The following ACSF2 variants were observed in gnomAD, a reference collection of about 807,000 sequenced individuals.
ACSF2 encodes the protein acyl-CoA synthetase family member 2.
ACSF2 carries 52 observed loss-of-function variants against 79.3 expected under a neutral mutation model. The ratio of observed to expected loss-of-function variants is 0.66; its 90% confidence interval spans 0.53 to 0.83. The LOEUF (loss-of-function observed/expected upper bound fraction) is 0.83, where lower values mean the gene tolerates loss of function less well. ACSF2 is among the 40% of genes least tolerant of loss of function. ACSF2 has a pLI of 0.00. For missense variants in ACSF2, 661 were observed against 803.3 expected (o/e 0.82, Z 2.14); for synonymous variants, 283 against 312.6 (o/e 0.91, Z 1.00).
Position 50,426,249 on chromosome 17 carries a change from G to A in ACSF2, c.-13G>A, listed in dbSNP as rs758938286. ...AAAGTTTACTCGGGCCGGGACGCAG[G>A]GCAAAGCGAGCCATGGCTGTCTACG... On this transcript the variant is annotated 5_prime_UTR_variant, in exon 1 of 16. Transcript: ENST00000300441. 1 of 1,351,484 alleles carries A rather than the reference G, an allele frequency of 7.4e-7. No individual in the cohort carries two copies. The highest frequency in any genetic ancestry group is 2.1e-5 in the South Asian group (1 of 47,700). 83.7% of individuals were successfully genotyped at this position (1,351,484 alleles called of 1,614,324 possible). A position where few individuals can be genotyped will look rare whatever the true frequency, so the allele number is the denominator to read the frequency against.
intron 1 of ACSF2, among the ~76,000 whole-genome samples, chr17:50,441,446 A>G (rs1440878590): frequency 6.6e-6 from 1 of 152,200 alleles, no homozygotes; most frequent in Non-Finnish European, 1.5e-5. Context: ...AAGTGGTGAG[A>G]TTACAGGCGT....
chr17:50,426,363 C>A lies in ACSF2; in HGVS notation c.102C>A (p.Ala34=). ...RAALSRSWQE[A]RLQGVRFLSS... The stretch of plus-strand genomic sequence containing the variant: ...CCCTCTCTCGGAGTTGGCAGGAAGC[C>A]AGGTTGCAGGGTGTCCGCTTCCTCA... Residue 34 remains alanine (A), a synonymous_variant, in exon 1 of 16, where the codon GCC becomes GCA. Transcript: ENST00000300441. The A allele has an allele frequency of 7.1e-7, 1 of 1,413,534 alleles. No homozygotes were observed. The highest frequency in any genetic ancestry group is 9.3e-7 in the Non-Finnish European group (1 of 1,076,690). The allele number at this position is 1,413,534 out of a possible 1,614,324, so 87.6% of individuals were successfully genotyped here.
intron 12 of ACSF2, chr17:50,472,962 A>C: frequency 6.1e-6 from 1 of 163,762 alleles, no homozygotes; most frequent in Non-Finnish European, 1.3e-5. Flanking sequence ...GATAAATAAC[A>C]CCAAGAAAAT....
rs1395858172 is a variant in ACSF2, at chr17:50,439,234, T to C, written c.128+12845T>C. Among the ~76,000 whole-genome samples, 14 of 134,616 alleles carry C rather than the reference T, an allele frequency of 1.0e-4. 1 individual carries two copies. The highest frequency in any genetic ancestry group is 5.2e-4 in the South Asian group (2 of 3,838). 88.3% of individuals were successfully genotyped at this position (134,616 alleles called of 152,430 possible). On this transcript the variant is annotated intron_variant, in intron 1 of 15. Coordinates refer to ENST00000300441, the MANE Select transcript of ACSF2 (RefSeq NM_025149.6). ...GACAGGTGCATGCTACCACACAGCT[T>C]TTTTTTTTTTTTTTTTTTTTTTTTT...
At chr17:50,457,075 A>G (rs780683223) in intron 1 of ACSF2, among the ~76,000 whole-genome samples, 1 of 151,964 alleles carries the variant, frequency 6.6e-6, no homozygotes, top group Non-Finnish European at 1.5e-5. Flanking sequence ...AAAGACAAAC[A>G]GACAAACAAT....
chr17:50,460,630 G>C (rs2032271142), intron 1 of ACSF2, 47 bp from the exon 2 acceptor site: 1 of 1,559,974 alleles, frequency 6.4e-7, no homozygotes, highest in African/African-American at 1.4e-5. Context: ...CTTGGTTCCA[G>C]GGAGACTGAT....
In ACSF2 at chr17:50,426,379, C is replaced by A; in HGVS notation, c.118C>A (p.Arg40Ser). The change falls in exon 1 of 16, where the codon CGC becomes AGC. Residue 40 changes from arginine (R) to serine (S), a missense_variant. Physicochemically the swap from Arg to Ser is moderately radical, Grantham distance 110. Transcript: ENST00000300441. Reference protein sequence around the residue: ...SWQEARLQGVRFLSSREVDRM... With the variant: ...SWQEARLQGVSFLSSREVDRM... ...GCAGGAAGCCAGGTTGCAGGGTGTCCGCTTCCTCAGGTACTGGCCCCCCGC... is the reference window on the plus strand; with the variant it reads ...GCAGGAAGCCAGGTTGCAGGGTGTCAGCTTCCTCAGGTACTGGCCCCCCGC... 2.9e-6 allele frequency: 4 copies of A among 1,374,740 alleles called. No homozygotes were observed. The highest frequency in any genetic ancestry group is 3.1e-5 in the Admixed American group (1 of 32,218). The allele number at this position is 1,374,740 out of a possible 1,614,324, so 85.2% of individuals were successfully genotyped here.
chr17:50,445,331 G>C (rs2031228706), intron 1 of ACSF2, among the ~76,000 whole-genome samples: 1 of 152,092 alleles, frequency 6.6e-6, no homozygotes, highest in African/African-American at 2.4e-5. Flanking sequence ...CCCACAAATT[G>C]CTGGGACAAT....
In ACSF2 at chr17:50,463,196, A is replaced by G. The variant is rs2032457151; in HGVS notation, c.833A>G (p.Tyr278Cys). 1 of 1,614,088 alleles carries G rather than the reference A, an allele frequency of 6.2e-7. No individual in the cohort carries two copies. Among genetic ancestry groups the G allele is most frequent in the African/African-American group, 1.3e-5 (1 of 75,038 alleles). Reference sequence around the variant, plus strand: ...CCCAAGGGGGCCACCCTCTCCCACTACAACATTGTCAACAACTCCAACATT... The same window carrying G: ...CCCAAGGGGGCCACCCTCTCCCACTGCAACATTGTCAACAACTCCAACATT... Reference protein sequence around the residue: ...GSPKGATLSHYNIVNNSNILG... With the variant: ...GSPKGATLSHCNIVNNSNILG... The change falls in exon 7 of 16, where the codon TAC becomes TGC. Residue 278 changes from tyrosine to cysteine, a missense_variant. Transcript: ENST00000300441. This position sits in a 1 kb window ranked among gnomAD's most constrained non-coding sequence, Gnocchi z 4.6.
intron 1 of ACSF2, among the ~76,000 whole-genome samples, chr17:50,445,741 C>T (rs1385826797): frequency 6.6e-6 from 1 of 151,268 alleles, no homozygotes; most frequent in African/African-American, 2.4e-5. Flanking sequence ...GTCAAGTCTG[C>T]AGTGAGCTGT....
At chr17:50,470,999 T>G in intron 10 of ACSF2, 29 bp from the exon 11 acceptor site, 1 of 1,573,696 alleles carries the variant, frequency 6.4e-7, no homozygotes, top group South Asian at 1.1e-5. Flanking sequence ...TGCTGAGCCC[T>G]CTTCAAACAC....
Position 50,462,537 on chromosome 17 carries a change from C to T in ACSF2, c.744C>T (p.Asn248=). 1 of 1,613,970 alleles carries T rather than the reference C, an allele frequency of 6.2e-7. No individual in the cohort carries two copies. The highest frequency in any genetic ancestry group is 1.1e-5 in the South Asian group (1 of 91,072). Residue 248 remains asparagine, a synonymous_variant, in exon 6 of 16, where the codon AAC becomes AAT. Transcript: ENST00000300441. ...AGCATCTGGACCAGCTCCAATACAA[C>T]CAGCAGTTCCTGTCCTGCCATGACC... The part of the protein sequence containing the change: ...TRQHLDQLQY[N]QQFLSCHDPI...
intron 1 of ACSF2, among the ~76,000 whole-genome samples, chr17:50,433,406 A>G (rs1446412021): frequency 6.6e-6 from 1 of 152,090 alleles, no homozygotes; most frequent in Non-Finnish European, 1.5e-5. Context: ...CTACTTCCTC[A>G]GCCTCCTGAG....
At position 50,463,550 on chromosome 17, in the gene ACSF2, G is replaced by A; in HGVS notation, c.1044G>A (p.Glu348=). 2 of 1,613,980 alleles carry A rather than the reference G, an allele frequency of 1.2e-6. No individual in the cohort carries two copies. Among genetic ancestry groups the A allele is most frequent in the African/African-American group, 2.7e-5 (2 of 75,048 alleles). ...GKKALEAISR[E]RGTFLYGTPT... is the part of the protein sequence containing the mutation. The stretch of plus-strand genomic sequence containing the variant: ...AGGCACTGGAGGCCATCAGCAGAGA[G>A]AGGTGGGCACTGGTGGACAGGCTAC... The change falls in exon 8 of 16, where the codon GAG becomes GAA. Residue 348 remains glutamate (E), a splice_region_variant and synonymous_variant. Coordinates refer to ENST00000300441, the MANE Select transcript of ACSF2 (RefSeq NM_025149.6). The surrounding 1 kb of genome is among the most constrained non-coding windows in gnomAD (Gnocchi z 4.6).
At chr17:50,446,274 G>T (rs1350365986) in intron 1 of ACSF2, among the ~76,000 whole-genome samples, 2 of 151,866 alleles carry the variant, frequency 1.3e-5, no homozygotes, top group African/African-American at 2.4e-5. Context: ...AAAACTTCGT[G>T]TTGAAATATA....
In ACSF2 at chr17:50,428,361, T is replaced by A. The variant is rs574191439; in HGVS notation, c.128+1972T>A. On this transcript the variant is annotated intron_variant, in intron 1 of 15. Transcript: ENST00000300441. ...CGGGCGTGGTGGCATGTGCCTGTAA[T>A]ACCAGCTACTAGGGTGTCTGAGGCA... 6.6e-5 allele frequency among the ~76,000 whole-genome samples: 10 copies of A among 152,178 alleles called. No individual in the cohort carries two copies. The East Asian group carries it at 1.9e-3, about 29-fold the overall frequency.
chr17:50,439,963 T>C (rs907205737), intron 1 of ACSF2, among the ~76,000 whole-genome samples: 8 of 152,238 alleles, frequency 5.3e-5, no homozygotes, highest in Non-Finnish European at 7.3e-5. Flanking sequence ...GCCCATTTAT[T>C]GTGTGAGATT....
In ACSF2 at chr17:50,460,180, C is replaced by T. The variant is rs140967800; in HGVS notation, c.129-497C>T. Reference sequence around the variant, plus strand: ...ATCTGCCCTCTCCTTTATCCCTTTCCTATTCTGTCTTTGGCTTTCAGGCCC... The same window carrying T: ...ATCTGCCCTCTCCTTTATCCCTTTCTTATTCTGTCTTTGGCTTTCAGGCCC... On this transcript the variant is annotated intron_variant, in intron 1 of 15. Coordinates refer to ENST00000300441, the MANE Select transcript of ACSF2 (RefSeq NM_025149.6). 366 of 456,224 alleles carry T rather than the reference C, an allele frequency of 8.0e-4. 2 individuals are homozygous for T. Among genetic ancestry groups the T allele is most frequent in the African/African-American group, 6.5e-3 (328 of 50,198 alleles). 28.3% of individuals were successfully genotyped at this position (456,224 alleles called of 1,614,324 possible). A position where few individuals can be genotyped will look rare whatever the true frequency, so the allele number is the denominator to read the frequency against.
chr17:50,463,083 C>G lies in ACSF2; in HGVS notation c.793-73C>G, dbSNP rs1693776419. ...CTGTCTCCTGATTCCCGGTCCCGTG[C>G]TCTTCAAGGCAGTGGCCCAGGGTGG... On this transcript the variant is annotated intron_variant, in intron 6 of 15. Coordinates refer to ENST00000300441, the MANE Select transcript of ACSF2 (RefSeq NM_025149.6). The surrounding 1 kb of genome is among the most constrained non-coding windows in gnomAD (Gnocchi z 4.6). 1.6e-6 allele frequency: 2 copies of G among 1,256,594 alleles called. No individual in the cohort carries two copies. Among genetic ancestry groups the G allele is most frequent in the Non-Finnish European group, 2.3e-6 (2 of 871,120 alleles). 77.8% of individuals were successfully genotyped at this position (1,256,594 alleles called of 1,614,324 possible).
Sources: gnomAD v4.1 joint callset for allele counts (sites outside exome capture counted in the v4.1 genomes callset) on GRCh38, gnomAD v4.1.1 for gene constraint, Gnocchi (gnomAD v3.1) non-coding constraint, MANE v1.5 for transcripts, NCBI Gene and HGNC (gene_info 2026-07-23, HGNC 2026-07-21) for gene names.